The following ELAC2 variants were observed in gnomAD, a reference collection of about 807,000 sequenced individuals.
ELAC2 encodes elaC ribonuclease Z 2.
ELAC2 carries 92 observed loss-of-function variants against 105.2 expected under a neutral mutation model. The observed-to-expected ratio is 0.87, with a 90% CI of 0.74 to 1.04. ELAC2 has a LOEUF of 1.04. Ranked by LOEUF, ELAC2 falls within the 50% of genes least tolerant of loss-of-function variation. The pLI, the probability that ELAC2 is intolerant of heterozygous loss-of-function variation, is 0.00. For synonymous variants in ELAC2, 468 were observed against 409.1 expected, an observed-to-expected ratio of 1.14 and a Z score of -1.74; for missense variants, 1,099 against 1,071.7, an observed-to-expected ratio of 1.03 and a Z score of -0.36.
chr17:12,999,927 G>C (rs2040685617), intron 15 of ELAC2, among the ~76,000 whole-genome samples: 1 of 152,230 alleles, frequency 6.6e-6, no homozygotes, highest in Non-Finnish European at 1.5e-5. Flanking sequence ...GAAGTGCTGG[G>C]ATTACAGGTG....
chr17:13,006,231 G>C (rs1447545161), intron 8 of ELAC2: 7 of 452,884 alleles, frequency 1.5e-5, no homozygotes, highest in African/African-American at 1.4e-4. Context: ...TTGGCCAGGC[G>C]TGGTGGCACG....
chr17:12,996,102 G>T, intron 17 of ELAC2, 124 bp from the exon 18 acceptor site: 1 of 1,051,384 alleles, frequency 9.5e-7, no homozygotes, highest in Non-Finnish European at 1.4e-6. Context: ...CTCTAACACA[G>T]CCGCAGTGGG....
At chr17:12,997,389 G>A (rs2040528157) in intron 16 of ELAC2, among the ~76,000 whole-genome samples, 1 of 152,172 alleles carries the variant, frequency 6.6e-6, no homozygotes, top group African/African-American at 2.4e-5. Context: ...ACACTGAGAG[G>A]GCTGCACCCA....
intron 13 of ELAC2, 35 bp from the exon 14 acceptor site, chr17:13,002,394 A>G: frequency 6.2e-7 from 1 of 1,614,122 alleles, no homozygotes; most frequent in African/African-American, 1.3e-5. Context: ...GGAGAGAAAG[A>G]GAGGGGACGA....
At chr17:13,007,085 TG>T (rs1190357641) in intron 8 of ELAC2, among the ~76,000 whole-genome samples, 1 of 149,054 alleles carries the variant, frequency 6.7e-6, no homozygotes, top group Non-Finnish European at 1.5e-5. Context: ...CACTCCAGCC[TG>T]GGCGACAGAG....
At chr17:13,001,717 G>A (rs1175132365) in intron 14 of ELAC2, among the ~76,000 whole-genome samples, 2 of 149,212 alleles carry the variant, frequency 1.3e-5, no homozygotes, top group Non-Finnish European at 3.0e-5. Context: ...TTATATATAA[G>A]ACATTTATTG....
chr17:12,999,887 G>A (rs1271472545), intron 15 of ELAC2, among the ~76,000 whole-genome samples: 4 of 152,288 alleles, frequency 2.6e-5, no homozygotes, highest in Admixed American at 1.3e-4. Context: ...TCGATCTCCC[G>A]ACCTCGCGAT....
Position 12,991,774 on chromosome 17 carries a change from T to C in ELAC2, c.*1044A>G, listed in dbSNP as rs1234385754. 3.3e-5 allele frequency: 7 copies of C among 211,666 alleles called. No homozygotes were observed. Among genetic ancestry groups the C allele is most frequent in the Non-Finnish European group, 6.6e-5 (7 of 105,604 alleles). 13.1% of individuals were successfully genotyped at this position (211,666 alleles called of 1,614,324 possible). On this transcript the variant is annotated 3_prime_UTR_variant, in exon 24 of 24. Transcript: ENST00000338034. ...CCCTGGCTGATCTCTCGCTTGCTTG[T>C]CTTTTGAGTTTTTAAAGCTCTTCTT...
chr17:13,004,165 A>G (rs1221693290), intron 11 of ELAC2: 1 of 158,374 alleles, frequency 6.3e-6, no homozygotes, highest in Non-Finnish European at 1.4e-5. Flanking sequence ...ACATCCACAC[A>G]TGGCTCTCAA....
chr17:13,014,333 T>C, intron 5 of ELAC2, 106 bp downstream of exon 5: 2 of 874,970 alleles, frequency 2.3e-6, no homozygotes, highest in Non-Finnish European at 3.8e-6. Flanking sequence ...GATGAAGCAT[T>C]TGATTTTGAG....
At chr17:13,001,171 A>G (rs1436037994) in intron 14 of ELAC2, among the ~76,000 whole-genome samples, 1 of 152,182 alleles carries the variant, frequency 6.6e-6, no homozygotes, top group East Asian at 1.9e-4. Context: ...TGGAGTGGGC[A>G]GGAAACTTAA....
intron 3 of ELAC2, among the ~76,000 whole-genome samples, chr17:13,016,076 G>A (rs2041705515): frequency 6.6e-6 from 1 of 152,210 alleles, no homozygotes; most frequent in Admixed American, 6.5e-5. Flanking sequence ...GGCACCCAGT[G>A]TGCAAAATGT....
intron 3 of ELAC2, 72 bp downstream of exon 3, chr17:13,016,790 G>T: frequency 2.7e-6 from 4 of 1,471,718 alleles, no homozygotes; most frequent in Non-Finnish European, 3.8e-6. Flanking sequence ...CCCAGACTTG[G>T]AAAAATGGTA....
intron 8 of ELAC2, among the ~76,000 whole-genome samples, chr17:13,007,355 T>C (rs1026382290): frequency 6.6e-6 from 1 of 152,170 alleles, no homozygotes; most frequent in Non-Finnish European, 1.5e-5. Flanking sequence ...GAGTTACTCG[T>C]AGGGCTGAGT....
rs2040219121 is a variant in ELAC2, at chr17:12,992,232, AC to A, written c.*585del. On this transcript the variant is annotated 3_prime_UTR_variant, in exon 24 of 24. Coordinates refer to ENST00000338034, the MANE Select transcript of ELAC2 (RefSeq NM_018127.7). ...GGCGAATAAGGGTGGCTCTCTGAGG[AC>A]AGGTTCCAGAGGTGCTCACTACGAC... Among the ~76,000 whole-genome samples the A allele has an allele frequency of 6.6e-6, 1 of 152,102 alleles. No individual in the cohort carries two copies. The highest frequency in any genetic ancestry group is 2.1e-4 in the South Asian group (1 of 4,828).
Position 12,993,797 on chromosome 17 carries a change from T to A in ELAC2, c.2143A>T (p.Met715Leu). ...TTCAGCATAATGAACTCCGCGTTCATCCGCATCCCCACGCTGATGGCTTGG... is the reference window on the plus strand; with the variant it reads ...TTCAGCATAATGAACTCCGCGTTCAACCGCATCCCCACGCTGATGGCTTGG... Reference protein sequence around the residue: ...TSQAISVGMRMNAEFIMLNHF... With the variant: ...TSQAISVGMRLNAEFIMLNHF... The change falls in exon 23 of 24, where the codon ATG becomes TTG. Residue 715 changes from methionine to leucine, a missense_variant. By Grantham distance (15) the Met-to-Leu change is conservative (BLOSUM62 2). Transcript: ENST00000338034. 1.2e-6 allele frequency: 2 copies of A among 1,614,140 alleles called. No homozygotes were observed. Among genetic ancestry groups the A allele is most frequent in the African/African-American group, 1.3e-5 (1 of 75,026 alleles).
intron 23 of ELAC2, 125 bp downstream of exon 23, chr17:12,993,562 A>T: frequency 1.4e-6 from 2 of 1,423,002 alleles, no homozygotes; most frequent in Non-Finnish European, 1.9e-6. Context: ...AGTGATGGGT[A>T]GATAACCTTT....
At position 12,995,702 on chromosome 17, in the gene ELAC2, C is replaced by T. The variant is rs1239458133; in HGVS notation, c.1808+1G>A. On this transcript the variant is annotated splice_donor_variant, in intron 19 of 23. Coordinates refer to ENST00000338034, the MANE Select transcript of ELAC2 (RefSeq NM_018127.7). LOFTEE classifies it high-confidence loss of function. Reference sequence around the variant, plus strand: ...CGGGCCAGGCTGCCCTGGATGCTCACCTGATGTGGTGCAGGACCTCCTGGC... The same window carrying T: ...CGGGCCAGGCTGCCCTGGATGCTCATCTGATGTGGTGCAGGACCTCCTGGC... 6.2e-7 allele frequency: 1 copy of T among 1,608,902 alleles called. No homozygotes were observed. Among genetic ancestry groups the T allele is most frequent in the African/African-American group, 1.3e-5 (1 of 74,768 alleles).
intron 5 of ELAC2, among the ~76,000 whole-genome samples, chr17:13,013,478 C>T (rs545301726): frequency 1.1e-3 from 169 of 152,266 alleles, no homozygotes; most frequent in Middle Eastern, 3.4e-3. Flanking sequence ...ATATTTACTA[C>T]AGCCAGATGA....
Sources: gnomAD v4.1 joint callset for allele counts (sites outside exome capture counted in the v4.1 genomes callset) on GRCh38, gnomAD v4.1.1 for gene constraint, MANE v1.5 for transcripts, NCBI Gene and HGNC (gene_info 2026-07-23, HGNC 2026-07-21) for gene names.